The following CWF19L1 variants were observed in gnomAD, a reference collection of about 807,000 sequenced individuals.
CWF19L1 encodes the protein CWF19-like protein 1.
In CWF19L1, 60 loss-of-function variants were observed where a neutral mutation model predicts 69.7. The ratio of observed to expected loss-of-function variants is 0.86; its 90% confidence interval spans 0.70 to 1.07. CWF19L1 has a LOEUF of 1.07. Among genes scored for constraint, CWF19L1 ranks in the 50% least tolerant of loss-of-function variants. CWF19L1 has a pLI of 0.00. For synonymous variants in CWF19L1, 209 were observed against 222.2 expected (o/e 0.94, Z 0.53); for missense variants, 591 against 638.9 (o/e 0.92, Z 0.81).
intron 10 of CWF19L1, among the ~76,000 whole-genome samples, chr10:100,242,599 G>A (rs187469061): frequency 6.6e-6 from 1 of 151,690 alleles, no homozygotes; most frequent in African/African-American, 2.4e-5. Context: ...ACTTGAACCC[G>A]GGAGGCAGAG....
intron 10 of CWF19L1, 134 bp from the exon 11 acceptor site, chr10:100,238,365 G>GA: frequency 2.8e-6 from 2 of 713,008 alleles, no homozygotes; most frequent in South Asian, 1.9e-5. Flanking sequence ...ATTCTTTCTT[G>GA]AAAAAATCTG....
At chr10:100,247,915 T>C (rs939061578) in intron 7 of CWF19L1, among the ~76,000 whole-genome samples, 1 of 151,732 alleles carries the variant, frequency 6.6e-6, no homozygotes, top group Non-Finnish European at 1.5e-5. Flanking sequence ...AACAAAAACT[T>C]TGACTTGATC....
chr10:100,258,462 T>C (rs1847285088), intron 4 of CWF19L1: 1 of 152,198 alleles, frequency 6.6e-6, no homozygotes, highest in Non-Finnish European at 1.5e-5. Flanking sequence ...AGTAATGCCC[T>C]TAATCCAAAT....
At chr10:100,250,113 T>C (rs1589622356) in intron 7 of CWF19L1, 135 bp downstream of exon 7, 16 of 694,150 alleles carry the variant, frequency 2.3e-5, no homozygotes, top group Non-Finnish European at 2.8e-5. Context: ...ACCATACCTT[T>C]ACAAAGGAGT....
At chr10:100,234,603 G>C (rs1212863332) in intron 13 of CWF19L1, among the ~76,000 whole-genome samples, 1 of 152,050 alleles carries the variant, frequency 6.6e-6, no homozygotes, top group Admixed American at 6.6e-5. Context: ...CTTATCTAAG[G>C]GGGCAATCTC....
intron 1 of CWF19L1, among the ~76,000 whole-genome samples, chr10:100,266,674 C>T (rs1334655243): frequency 7.4e-6 from 1 of 135,068 alleles, no homozygotes; most frequent in Admixed American, 7.0e-5. Context: ...CGCCACCACG[C>T]CTGGCTAATT....
At chr10:100,249,539 C>G in intron 7 of CWF19L1, among the ~76,000 whole-genome samples, 1 of 152,138 alleles carries the variant, frequency 6.6e-6, no homozygotes, top group East Asian at 1.9e-4. Flanking sequence ...AGATTTCCCT[C>G]AGGAAATCTT....
intron 4 of CWF19L1, among the ~76,000 whole-genome samples, chr10:100,259,967 T>C (rs1313684490): frequency 6.6e-6 from 1 of 151,968 alleles, no homozygotes; most frequent in African/African-American, 2.4e-5. Flanking sequence ...GAGATCGAGA[T>C]GATCCTGACT....
intron 1 of CWF19L1, 63 bp downstream of exon 1, chr10:100,267,508 G>A: frequency 1.2e-6 from 2 of 1,613,454 alleles, no homozygotes; most frequent in East Asian, 2.2e-5. Context: ...ACTCCCGCCC[G>A]TGTCGTCACC....
At chr10:100,256,213 G>C (rs1847206405) in intron 5 of CWF19L1, 49 bp downstream of exon 5, 1 of 1,416,092 alleles carries the variant, frequency 7.1e-7, no homozygotes, top group African/African-American at 1.4e-5. Flanking sequence ...CCCAACTCAA[G>C]CCAGTGCAAT....
chr10:100,252,152 T>C (rs1005945603), intron 6 of CWF19L1, among the ~76,000 whole-genome samples: 2 of 152,228 alleles, frequency 1.3e-5, no homozygotes, highest in Non-Finnish European at 2.9e-5. Context: ...TCTGAGCTTT[T>C]ACTTAACTCT....
At chr10:100,252,929 C>T (rs375372576) in intron 6 of CWF19L1, among the ~76,000 whole-genome samples, 8 of 151,894 alleles carry the variant, frequency 5.3e-5, no homozygotes, top group African/African-American at 1.5e-4. Context: ...TTGTATACAA[C>T]ATGCTGTTTT....
chr10:100,251,428 G>A (rs1236026792), intron 6 of CWF19L1, among the ~76,000 whole-genome samples: 1 of 151,458 alleles, frequency 6.6e-6, no homozygotes, highest in Non-Finnish European at 1.5e-5. Flanking sequence ...TGGGTATGAA[G>A]TGGTGTATCA....
At position 100,237,913 on chromosome 10, in the gene CWF19L1, T is replaced by A; in HGVS notation, c.1254+109A>T. On this transcript the variant is annotated intron_variant, in intron 11 of 13. Transcript: ENST00000354105. ...ATCCAACCGCTTCGGCCTCCCAAAG[T>A]GCTAGGATTACAGGCGTGAGCCACC... 2.9e-6 allele frequency: 3 copies of A among 1,035,968 alleles called. No individual in the cohort carries two copies. In the South Asian group the frequency reaches 4.3e-5, roughly 15 times the overall value. The allele number at this position is 1,035,968 out of a possible 1,614,324, so 64.2% of individuals were successfully genotyped here.
At chr10:100,246,765 T>C in intron 8 of CWF19L1, 30 bp downstream of exon 8, 2 of 1,580,940 alleles carry the variant, frequency 1.3e-6, no homozygotes, top group East Asian at 2.3e-5. Flanking sequence ...AGAACACATA[T>C]AAAAATGCCA....
At chr10:100,244,188 C>G (rs1460371756) in intron 9 of CWF19L1, among the ~76,000 whole-genome samples, 3 of 152,190 alleles carry the variant, frequency 2.0e-5, no homozygotes, top group Non-Finnish European at 2.9e-5. Context: ...AAGAGAATCT[C>G]AATGAAACAC....
At chr10:100,251,910 G>C (rs1201421257) in intron 6 of CWF19L1, among the ~76,000 whole-genome samples, 2 of 152,130 alleles carry the variant, frequency 1.3e-5, no homozygotes, top group African/African-American at 4.8e-5. Flanking sequence ...TGTTTTCGCA[G>C]TATATTTTTA....
intron 8 of CWF19L1, among the ~76,000 whole-genome samples, chr10:100,246,438 C>T (rs1389947526): frequency 6.6e-6 from 1 of 152,202 alleles, no homozygotes; most frequent in Non-Finnish European, 1.5e-5. Context: ...ATCTTATTTT[C>T]CTACTAGCAA....
chr10:100,265,838 C>T (rs1847562216), intron 1 of CWF19L1, among the ~76,000 whole-genome samples: 2 of 152,056 alleles, frequency 1.3e-5, no homozygotes, highest in South Asian at 4.2e-4. Flanking sequence ...TTCACTGTAC[C>T]CTTTCTATAT....
Sources: gnomAD v4.1 joint callset for allele counts (sites outside exome capture counted in the v4.1 genomes callset) on GRCh38, gnomAD v4.1.1 for gene constraint, MANE v1.5 for transcripts, NCBI Gene and HGNC (gene_info 2026-07-23, HGNC 2026-07-21) for gene names.